The following KTN1 variants were observed in gnomAD, a reference collection of about 807,000 sequenced individuals.
KTN1 encodes kinectin.
A neutral mutation model predicts 222.5 loss-of-function variants in KTN1; 130 were observed. The observed-to-expected ratio is 0.58, with a 90% CI of 0.51 to 0.68. KTN1 has a LOEUF of 0.68. KTN1 is among the 30% of genes least tolerant of loss of function. The pLI, the probability that KTN1 is intolerant of heterozygous loss-of-function variation, is 0.00. For missense variants in KTN1, 1,508 were observed against 1,500.4 expected (o/e 1.01, Z -0.08); for synonymous variants, 512 against 496.3 (o/e 1.03, Z -0.42).
intron 32 of KTN1, 36 bp downstream of exon 32, chr14:55,661,648 T>G (rs776451066): frequency 5.3e-6 from 6 of 1,122,456 alleles, no homozygotes; most frequent in Non-Finnish European, 7.9e-6. Flanking sequence ...GCTTTTCTTT[T>G]TATTACTTTA....
At chr14:55,607,457 C>G (rs890853458) in intron 1 of KTN1, 1 of 152,062 alleles carries the variant, frequency 6.6e-6, no homozygotes, top group African/African-American at 2.4e-5. Context: ...ATATGTAAAA[C>G]TTAGTGAGTG....
chr14:55,663,122 C>T (rs1383874167), intron 32 of KTN1: 7 of 346,224 alleles, frequency 2.0e-5, no homozygotes, highest in East Asian at 7.5e-5. Flanking sequence ...GTTGTTGTAA[C>T]GGTGAGAATT....
chr14:55,600,749 T>C (rs528083556), intron 1 of KTN1, among the ~76,000 whole-genome samples: 6 of 152,370 alleles, frequency 3.9e-5, no homozygotes, highest in South Asian at 4.1e-4. Context: ...TTGAACAGTT[T>C]TGATGACATG....
At chr14:55,651,737 A>G in intron 24 of KTN1, 153 bp from the exon 25 acceptor site, 3 of 573,362 alleles carry the variant, frequency 5.2e-6, no homozygotes, top group Non-Finnish European at 9.4e-6. Context: ...ATTGGAGTCA[A>G]GAGGAGGTAA....
At chr14:55,656,189 A>G (rs1330973844) in intron 29 of KTN1, 57 bp downstream of exon 29, 1 of 1,246,690 alleles carries the variant, frequency 8.0e-7, no homozygotes, top group Non-Finnish European at 1.1e-6. Context: ...TGCATGCTTT[A>G]AAATAATTTT....
intron 1 of KTN1, among the ~76,000 whole-genome samples, chr14:55,595,127 T>G (rs1363117996): frequency 6.6e-6 from 1 of 152,330 alleles, no homozygotes; most frequent in Admixed American, 6.5e-5. Flanking sequence ...ACGAAGCATA[T>G]CTAGGTTCAT....
At chr14:55,601,552 A>T (rs1397442013) in intron 1 of KTN1, among the ~76,000 whole-genome samples, 1 of 152,064 alleles carries the variant, frequency 6.6e-6, no homozygotes, top group East Asian at 1.9e-4. Flanking sequence ...TTGCGTTTTG[A>T]TGGCCGTTTC....
intron 34 of KTN1, chr14:55,668,202 C>T (rs2045048433): frequency 6.6e-6 from 1 of 151,830 alleles, no homozygotes; most frequent in Admixed American, 6.6e-5. Flanking sequence ...TGCATTTCTC[C>T]AGTTGTCATA....
rs374429104 is a variant in KTN1, at chr14:55,680,774, T to A, written c.4069+1089T>A. 12 of 1,145,444 alleles carry A rather than the reference T, an allele frequency of 1.0e-5. No individual in the cohort carries two copies. In the East Asian group the frequency reaches 1.4e-4, roughly 14 times the overall value. 71.0% of individuals were successfully genotyped at this position (1,145,444 alleles called of 1,614,324 possible). On this transcript the variant is annotated intron_variant, in intron 43 of 43. Transcript: ENST00000395314. Reference sequence around the variant, plus strand: ...ATCTCTAACATGACTTTCCATATAATAAGCCCAGCTCATTCTTCAACATAT... The same window carrying A: ...ATCTCTAACATGACTTTCCATATAAAAAGCCCAGCTCATTCTTCAACATAT...
At chr14:55,678,262 T>A in intron 41 of KTN1, 90 bp from the exon 42 acceptor site, 1 of 818,650 alleles carries the variant, frequency 1.2e-6, no homozygotes, top group Non-Finnish European at 2.0e-6. Context: ...GAGAGGAGCT[T>A]TTATCTTCTA....
At chr14:55,661,293 A>G (rs2044114143) in intron 31 of KTN1, 1 of 359,504 alleles carries the variant, frequency 2.8e-6, no homozygotes, top group East Asian at 4.5e-5. Flanking sequence ...TCTCTTTAGC[A>G]CAAGCCTGAG....
intron 1 of KTN1, among the ~76,000 whole-genome samples, chr14:55,587,912 CTT>C (rs1566651528): frequency 6.6e-6 from 1 of 151,976 alleles, no homozygotes; most frequent in African/African-American, 2.4e-5. Flanking sequence ...TTCTTTCACT[CTT>C]TTTTTTCTTT....
At chr14:55,629,490 C>T (rs1392284603) in intron 6 of KTN1, among the ~76,000 whole-genome samples, 1 of 151,310 alleles carries the variant, frequency 6.6e-6, no homozygotes, top group East Asian at 1.9e-4. Context: ...TTTGCTTTCC[C>T]TTGTTTCAAA....
At chr14:55,646,535 C>A (rs922496408) in intron 18 of KTN1, among the ~76,000 whole-genome samples, 4 of 127,708 alleles carry the variant, frequency 3.1e-5, no homozygotes, top group Admixed American at 2.9e-4. Context: ...CTTTCCTTTC[C>A]TTTCCTTTCC....
Position 55,648,084 on chromosome 14 carries a change from T to C in KTN1, c.2267T>C (p.Ile756Thr), listed in dbSNP as rs138464625. ...TVEELLETGL[I>T]QVATKEEELN... Reference sequence around the variant, plus strand: ...GAAGAATTACTTGAAACTGGACTTATTCAGGTGGCAACTAAAGAAGAGGAG... The same window carrying C: ...GAAGAATTACTTGAAACTGGACTTACTCAGGTGGCAACTAAAGAAGAGGAG... Residue 756 changes from isoleucine to threonine, a missense_variant, in exon 20 of 44, where the codon ATT (isoleucine) becomes ACT (threonine). Physicochemically the swap from Ile to Thr is moderately conservative, Grantham distance 89 (BLOSUM62 -1). Transcript: ENST00000395314. The C allele has an allele frequency of 2.8e-4, 439 of 1,571,340 alleles. 1 individual carries two copies. Among genetic ancestry groups the C allele is most frequent in the Non-Finnish European group, 3.7e-4 (428 of 1,159,004 alleles).
intron 2 of KTN1, among the ~76,000 whole-genome samples, chr14:55,615,227 A>T (rs533778209): frequency 6.6e-6 from 1 of 152,174 alleles, no homozygotes; most frequent in Non-Finnish European, 1.5e-5. Flanking sequence ...AACAACTTTT[A>T]AGTGTGTAGT....
chr14:55,594,757 G>T (rs1172457754), intron 1 of KTN1, among the ~76,000 whole-genome samples: 4 of 152,176 alleles, frequency 2.6e-5, no homozygotes. Context: ...ACAAATTTGT[G>T]TAGGTATAAA....
At chr14:55,675,019 T>G (rs1349103707) in intron 40 of KTN1, 1 of 152,136 alleles carries the variant, frequency 6.6e-6, no homozygotes, top group Non-Finnish European at 1.5e-5. Context: ...GGAATTTCCC[T>G]CCGCCCCACT....
intron 12 of KTN1, 62 bp downstream of exon 12, chr14:55,637,909 A>G: frequency 8.0e-7 from 1 of 1,249,568 alleles, no homozygotes; most frequent in South Asian, 1.3e-5. Flanking sequence ...ACTCACCTGA[A>G]TGTCTGTTGA....
Sources: allele counts gnomAD v4.1 joint callset (sites outside exome capture counted in the v4.1 genomes callset), GRCh38; gene constraint gnomAD v4.1.1; transcripts MANE v1.5; gene names NCBI Gene and HGNC (gene_info 2026-07-23, HGNC 2026-07-21).